The following VMP1 variants were observed in gnomAD, a reference collection of about 807,000 sequenced individuals.
VMP1 encodes vacuole membrane protein 1, also known as ectopic P-granules autophagy protein 3 homolog.
A neutral mutation model predicts 56.0 loss-of-function variants in VMP1; 11 were observed. The ratio of observed to expected loss-of-function variants is 0.20; its 90% CI spans 0.12 to 0.32. The LOEUF (loss-of-function observed/expected upper bound fraction) is 0.32. Among genes scored for constraint, VMP1 ranks in the 10% least tolerant of loss-of-function variants. The pLI is 1.00. For synonymous variants in VMP1, 149 were observed against 165.0 expected (o/e 0.90, Z 0.74); for missense variants, 296 against 490.3 (o/e 0.60, Z 3.74).
At chr17:59,767,025 A>C (rs2036257436) in intron 6 of VMP1, among the ~76,000 whole-genome samples, 1 of 152,072 alleles carries the variant, frequency 6.6e-6, no homozygotes, top group African/African-American at 2.4e-5. Flanking sequence ...CAGGTGATCC[A>C]CCAGGCGTGA....
chr17:59,824,970 C>A (rs1321016655), intron 10 of VMP1, among the ~76,000 whole-genome samples: 1 of 151,076 alleles, frequency 6.6e-6, no homozygotes, highest in East Asian at 1.9e-4. Flanking sequence ...GTTGAATTCT[C>A]AGGAATTTGA....
intron 9 of VMP1, among the ~76,000 whole-genome samples, chr17:59,814,277 G>A (rs935684647): frequency 3.3e-5 from 5 of 152,064 alleles, no homozygotes; most frequent in East Asian, 1.9e-4. Flanking sequence ...GCGCCTGGCC[G>A]ATGAGTGATT....
rs961222851 is a variant in VMP1, at chr17:59,819,464, T to G, written c.974+1691T>G. Among the ~76,000 whole-genome samples, 7 of 152,090 alleles carry G rather than the reference T, an allele frequency of 4.6e-5. No individual in the cohort carries two copies. In the South Asian group the frequency reaches 6.2e-4, roughly 14 times the overall value. On this transcript the variant is annotated intron_variant, in intron 10 of 11. Coordinates refer to ENST00000262291, the MANE Select transcript of VMP1 (RefSeq NM_030938.5). ...GGCTTCCCTTATGTTTTTGGTTTTT[T>G]TTGTTGTTGTTTTTGAGACAGAGTC...
At chr17:59,830,263 A>G (rs1413916943) in intron 10 of VMP1, among the ~76,000 whole-genome samples, 1 of 152,034 alleles carries the variant, frequency 6.6e-6, no homozygotes, top group South Asian at 2.1e-4. Flanking sequence ...AGGTCTCACT[A>G]TATTGCCCAG....
At chr17:59,826,956 C>T (rs1181181628) in intron 10 of VMP1, among the ~76,000 whole-genome samples, 2 of 152,162 alleles carry the variant, frequency 1.3e-5, no homozygotes, top group South Asian at 2.1e-4. Flanking sequence ...TGTCTATTCT[C>T]CTGTGCACAC....
At chr17:59,765,214 A>G in intron 6 of VMP1, 76 bp downstream of exon 6, 1 of 1,452,300 alleles carries the variant, frequency 6.9e-7, no homozygotes, top group Non-Finnish European at 9.3e-7. Context: ...TTGAAATGGA[A>G]TCTAAACATA....
chr17:59,724,990 C>CA (rs58093510), intron 1 of VMP1, among the ~76,000 whole-genome samples: 36,541 of 140,900 alleles, frequency 0.26, 4,855 homozygotes, highest in East Asian at 0.43. Flanking sequence ...AAACAAAAAA[C>CA]AAAAAAAACA....
rs1310902118 is a variant in VMP1, at chr17:59,797,153, GA to G, written c.715-11640del. 1.6e-4 allele frequency among the ~76,000 whole-genome samples: 19 copies of G among 122,012 alleles called. No individual in the cohort carries two copies. In the East Asian group the frequency reaches 4.1e-3, roughly 26 times the overall value. The allele number at this position is 122,012 out of a possible 152,430, so 80.0% of individuals were successfully genotyped here. A position where few individuals can be genotyped will look rare whatever the true frequency, so the allele number is the denominator to read the frequency against. Reference sequence around the variant, plus strand: ...TCCAGACCAGCCTGGCCAGCATGGTGAAACCCCCCCCCCGTCTCTACTAAAA... The same window carrying G: ...TCCAGACCAGCCTGGCCAGCATGGTGAACCCCCCCCCCGTCTCTACTAAAA... On this transcript the variant is annotated intron_variant, in intron 7 of 11. Coordinates refer to ENST00000262291, the MANE Select transcript of VMP1 (RefSeq NM_030938.5).
At chr17:59,792,377 T>C (rs1280462136) in intron 7 of VMP1, among the ~76,000 whole-genome samples, 1 of 152,196 alleles carries the variant, frequency 6.6e-6, no homozygotes, top group Non-Finnish European at 1.5e-5. Flanking sequence ...GTTTTCAGTC[T>C]CTTAAGTTTC....
At chr17:59,743,559 GCTCTCTCTCT>G (rs367998812) in intron 5 of VMP1, among the ~76,000 whole-genome samples, 4,618 of 145,122 alleles carry the variant, frequency 0.032, 101 homozygotes, top group Middle Eastern at 0.074. Context: ...TTAAAAAACT[GCTCTCTCTCT>G]CTCTCTCTCT....
chr17:59,805,366 T>G (rs767822488), intron 7 of VMP1, among the ~76,000 whole-genome samples: 27 of 152,250 alleles, frequency 1.8e-4, no homozygotes, highest in Non-Finnish European at 2.8e-4. Flanking sequence ...TGTTTTGACC[T>G]CTTTTCAGGA....
At chr17:59,713,353 A>G (rs1043040759) in intron 1 of VMP1, among the ~76,000 whole-genome samples, 2 of 152,130 alleles carry the variant, frequency 1.3e-5, no homozygotes, top group African/African-American at 4.8e-5. Flanking sequence ...ATACATATGT[A>G]ACAAACCTGC....
chr17:59,749,073 C>T (rs2035543108), intron 5 of VMP1, among the ~76,000 whole-genome samples: 1 of 150,932 alleles, frequency 6.6e-6, no homozygotes, highest in Admixed American at 6.6e-5. Context: ...CCTCAGCCTC[C>T]CCAGTAGCTG....
intron 5 of VMP1, among the ~76,000 whole-genome samples, chr17:59,746,714 C>T (rs2035437241): frequency 6.6e-6 from 1 of 152,076 alleles, no homozygotes; most frequent in Non-Finnish European, 1.5e-5. Context: ...ACTGTTTATG[C>T]AAGAATAGTG....
intron 7 of VMP1, among the ~76,000 whole-genome samples, chr17:59,795,317 G>A (rs565715582): frequency 2.7e-5 from 4 of 150,938 alleles, no homozygotes; most frequent in Admixed American, 6.7e-5. Context: ...GGGTTTCACC[G>A]TGTTGGTCAG....
chr17:59,724,915 G>T (rs1412745247), intron 1 of VMP1, among the ~76,000 whole-genome samples: 1 of 151,766 alleles, frequency 6.6e-6, no homozygotes, highest in Middle Eastern at 3.2e-3. Context: ...GCAGTGAGCC[G>T]AGATGGTGCC....
In VMP1 at chr17:59,754,191, C is replaced by CA. The variant is rs555168407; in HGVS notation, c.415-10772dup. On this transcript the variant is annotated intron_variant, in intron 5 of 11. Transcript: ENST00000262291. ...GGTCAATTGATGACTAAAAAGAAAA[C>CA]AAAAAAAATTATACATTTAAAAAAT... Among the ~76,000 whole-genome samples the CA allele has an allele frequency of 7.3e-5, 11 of 151,692 alleles. No individual in the cohort carries two copies. The South Asian group carries it at 2.3e-3, about 32-fold the overall frequency.
At chr17:59,728,105 AAGG>A (rs2034678082) in intron 1 of VMP1, among the ~76,000 whole-genome samples, 1 of 152,240 alleles carries the variant, frequency 6.6e-6, no homozygotes, top group African/African-American at 2.4e-5. Flanking sequence ...GTATCTTAAA[AAGG>A]AGAATATTAC....
At chr17:59,739,927 A>G (rs1162389811) in intron 5 of VMP1, among the ~76,000 whole-genome samples, 2 of 151,248 alleles carry the variant, frequency 1.3e-5, no homozygotes, top group Non-Finnish European at 2.9e-5. Flanking sequence ...TACAAAAAAA[A>G]TCAGCCGAGC....
Sources: allele counts gnomAD v4.1 joint callset (sites outside exome capture counted in the v4.1 genomes callset), GRCh38; gene constraint gnomAD v4.1.1; transcripts MANE v1.5; gene names NCBI Gene and HGNC (gene_info 2026-07-23, HGNC 2026-07-21).